GALNT13: variants seen among roughly 807,000 people sequenced by gnomAD.
GALNT13 encodes the protein UDP-GalNAc:polypeptide N-acetylgalactosaminyltransferase 13.
Under a neutral mutation model 64.2 loss-of-function variants are expected in GALNT13, and 28 were observed. The observed-to-expected ratio is 0.44, with a 90% CI of 0.32 to 0.60. GALNT13 has a LOEUF of 0.60. GALNT13 is among the 20% of genes least tolerant of loss of function. GALNT13 has a pLI of 0.05. For missense variants in GALNT13, 577 were observed against 669.8 expected (o/e 0.86, Z 1.53); for synonymous variants, 214 against 224.6 (o/e 0.95, Z 0.42).
intron 11 of GALNT13, among the ~76,000 whole-genome samples, chr2:154,431,806 G>A: frequency 6.6e-6 from 1 of 151,760 alleles, no homozygotes; most frequent in Non-Finnish European, 1.5e-5. Flanking sequence ...GAGAGCTGAT[G>A]GTTTTATAAA....
chr2:153,971,989 A>G (rs779922604), intron 3 of GALNT13, among the ~76,000 whole-genome samples: 10 of 152,140 alleles, frequency 6.6e-5, no homozygotes, highest in Non-Finnish European at 1.0e-4. Flanking sequence ...AGAAGTACAT[A>G]GAAGGGAGAA....
chr2:153,935,709 C>T (rs1690861270), intron 2 of GALNT13, among the ~76,000 whole-genome samples: 1 of 152,188 alleles, frequency 6.6e-6, no homozygotes, highest in South Asian at 2.1e-4. Context: ...AATGGAACAG[C>T]AGGCTGGATT....
the GALNT13 span, among the ~76,000 whole-genome samples, chr2:153,631,473 T>G: frequency 6.6e-6 from 1 of 152,332 alleles, no homozygotes; most frequent in Admixed American, 6.5e-5. Context: ...CCAGCACCTG[T>G]TGTTTCCTGA....
chr2:154,139,925 A>G (rs1322453747), intron 3 of GALNT13, among the ~76,000 whole-genome samples: 1 of 152,136 alleles, frequency 6.6e-6, no homozygotes, highest in Non-Finnish European at 1.5e-5. Context: ...ATGGCAGTAG[A>G]TATGTGAAAT....
intron 4 of GALNT13, among the ~76,000 whole-genome samples, chr2:154,154,718 C>A (rs972336107): frequency 6.6e-6 from 1 of 151,904 alleles, no homozygotes; most frequent in African/African-American, 2.4e-5. Flanking sequence ...GGATGGCATG[C>A]GGTTGAATTT....
At chr2:154,067,982 C>G (rs1485872507) in intron 3 of GALNT13, among the ~76,000 whole-genome samples, 1 of 151,816 alleles carries the variant, frequency 6.6e-6, no homozygotes, top group Non-Finnish European at 1.5e-5. Flanking sequence ...GATTATAAAC[C>G]AGAGTATATA....
chr2:153,121,590 G>A, the GALNT13 span, among the ~76,000 whole-genome samples: 1 of 152,206 alleles, frequency 6.6e-6, no homozygotes, highest in East Asian at 1.9e-4. Context: ...GGAGTACAAT[G>A]GCATGATCTT....
At chr2:154,155,330 G>A (rs912243818) in intron 4 of GALNT13, among the ~76,000 whole-genome samples, 2 of 151,974 alleles carry the variant, frequency 1.3e-5, no homozygotes, top group African/African-American at 4.8e-5. Flanking sequence ...TCGTCTCATG[G>A]AAGAAATCTA....
the GALNT13 span, among the ~76,000 whole-genome samples, chr2:153,447,088 A>T: frequency 6.6e-6 from 1 of 152,298 alleles, no homozygotes; most frequent in East Asian, 1.9e-4. Flanking sequence ...TTGTTTCCTG[A>T]TTTTTATTTC....
At chr2:154,164,705 A>G (rs1424449481) in intron 4 of GALNT13, among the ~76,000 whole-genome samples, 5 of 152,108 alleles carry the variant, frequency 3.3e-5, no homozygotes, top group Non-Finnish European at 5.9e-5. Context: ...AGAAAACGTG[A>G]CGTGGCAGCC....
At chr2:153,718,943 A>G in the GALNT13 span, among the ~76,000 whole-genome samples, 1 of 152,124 alleles carries the variant, frequency 6.6e-6, no homozygotes, top group Non-Finnish European at 1.5e-5. Flanking sequence ...CTCTGTTTAT[A>G]TAAGAAGAAA....
intron 4 of GALNT13, among the ~76,000 whole-genome samples, chr2:154,158,414 G>T (rs940157943): frequency 2.0e-5 from 3 of 151,936 alleles, no homozygotes; most frequent in Non-Finnish European, 2.9e-5. Context: ...TAATATTTTA[G>T]TCTAAGCTGC....
At chr2:154,090,657 C>A (rs1230667796) in intron 3 of GALNT13, among the ~76,000 whole-genome samples, 1 of 151,924 alleles carries the variant, frequency 6.6e-6, no homozygotes, top group African/African-American at 2.4e-5. Flanking sequence ...GTCAGGAAAT[C>A]GCTTCAGATA....
the GALNT13 span, among the ~76,000 whole-genome samples, chr2:153,750,704 C>G: frequency 7.3e-4 from 111 of 151,450 alleles, no homozygotes; most frequent in African/African-American, 2.6e-3. Flanking sequence ...TTATTTGGAC[C>G]TTTTCTCATT....
chr2:154,290,266 G>A lies in GALNT13; in HGVS notation c.976-11143G>A, dbSNP rs1167264861. Among the ~76,000 whole-genome samples, 7 of 152,270 alleles carry A rather than the reference G, an allele frequency of 4.6e-5. No homozygotes were observed. The East Asian group carries it at 1.4e-3, about 29-fold the overall frequency. Reference sequence around the variant, plus strand: ...AAACAAAGCAGGGAAGAAGGTGCAGGGAATGCCTACTTTTCCATTCAGGAA... The same window carrying A: ...AAACAAAGCAGGGAAGAAGGTGCAGAGAATGCCTACTTTTCCATTCAGGAA... On this transcript the variant is annotated intron_variant, in intron 8 of 12. Transcript: ENST00000392825.
At chr2:154,313,586 C>T (rs1346019720) in intron 9 of GALNT13, among the ~76,000 whole-genome samples, 1 of 151,810 alleles carries the variant, frequency 6.6e-6, no homozygotes, top group Non-Finnish European at 1.5e-5. Context: ...TCCCAAGTAG[C>T]TGGGACTATA....
the GALNT13 span, among the ~76,000 whole-genome samples, chr2:153,169,516 G>GT: frequency 3.3e-5 from 5 of 152,148 alleles, no homozygotes; most frequent in African/African-American, 1.2e-4. Flanking sequence ...AGGTGTCCAG[G>GT]GTAGAAGGCT....
At chr2:154,197,629 A>T (rs1219454778) in intron 4 of GALNT13, among the ~76,000 whole-genome samples, 1 of 152,020 alleles carries the variant, frequency 6.6e-6, no homozygotes, top group African/African-American at 2.4e-5. Context: ...AAAAAGAAAA[A>T]TTTTTAAAGA....
the GALNT13 span, among the ~76,000 whole-genome samples, chr2:153,222,578 C>T: frequency 6.6e-6 from 1 of 152,168 alleles, no homozygotes; most frequent in African/African-American, 2.4e-5. Flanking sequence ...ATCAACATGT[C>T]ATCCATGGTC....
Sources: gnomAD v4.1 joint callset for allele counts (sites outside exome capture counted in the v4.1 genomes callset) on GRCh38, gnomAD v4.1.1 for gene constraint, MANE v1.5 for transcripts, NCBI Gene and HGNC (gene_info 2026-07-23, HGNC 2026-07-21) for gene names.